Variants in BLNK observed in about 807,000 individuals in gnomAD.
BLNK encodes the protein B cell linker, also known as B-cell linker protein.
BLNK carries 29 observed loss-of-function variants against 73.5 expected under a neutral mutation model. The observed-to-expected ratio is 0.39, with a 90% CI of 0.29 to 0.54. The LOEUF (loss-of-function observed/expected upper bound fraction) is 0.54, where lower values mean the gene tolerates loss of function less well. Ranked by LOEUF, BLNK falls within the 20% of genes least tolerant of loss-of-function variation. The pLI is 0.61. For missense variants in BLNK, 460 were observed against 562.8 expected, an observed-to-expected ratio of 0.82 and a Z score of 1.85; for synonymous variants, 176 against 200.8, an observed-to-expected ratio of 0.88 and a Z score of 1.04.
chr10:96,258,656 AGAGCT>A (rs1247903564), intron 1 of BLNK, among the ~76,000 whole-genome samples: 5 of 152,156 alleles, frequency 3.3e-5, no homozygotes, highest in Non-Finnish European at 7.3e-5. Flanking sequence ...GCCATAGTTC[AGAGCT>A]GTGATTATAG....
intron 5 of BLNK, among the ~76,000 whole-genome samples, chr10:96,225,733 C>T (rs1161111168): frequency 6.6e-6 from 1 of 151,724 alleles, no homozygotes; most frequent in Non-Finnish European, 1.5e-5. Context: ...ACCTCCGCCT[C>T]CCGGGTTCAA....
At chr10:96,258,456 C>T (rs1253041450) in intron 1 of BLNK, among the ~76,000 whole-genome samples, 1 of 152,194 alleles carries the variant, frequency 6.6e-6, no homozygotes, top group East Asian at 1.9e-4. Context: ...CTGGGTCAAC[C>T]TCCTCTTATG....
rs34920263 is a variant in BLNK at position 96,191,235 on chromosome 10, CTT to C, written c.*736_*737del. Among the ~76,000 whole-genome samples the C allele has an allele frequency of 5.6e-3, 726 of 130,248 alleles. 3 individuals carry two copies. The highest frequency in any genetic ancestry group is 0.019 in the African/African-American group (664 of 34,408). 85.4% of individuals were successfully genotyped at this position (130,248 alleles called of 152,430 possible). A position where few individuals can be genotyped will look rare whatever the true frequency, so the allele number is the denominator to read the frequency against. On this transcript the variant is annotated 3_prime_UTR_variant, in exon 17 of 17. Coordinates refer to ENST00000224337, the MANE Select transcript of BLNK (RefSeq NM_013314.4). ...GTGGAACTGTGAGTCCATTAAACCT[CTT>C]TTTTTTTTTTTTTTTTTATGTAAAT...
intron 16 of BLNK, among the ~76,000 whole-genome samples, chr10:96,193,148 T>A (rs2083370746): frequency 6.6e-6 from 1 of 152,230 alleles, no homozygotes; most frequent in African/African-American, 2.4e-5. Flanking sequence ...GACAGGGACT[T>A]TCAAATACCT....
intron 1 of BLNK, among the ~76,000 whole-genome samples, chr10:96,253,812 G>A (rs927188465): frequency 1.3e-5 from 2 of 151,716 alleles, no homozygotes; most frequent in Non-Finnish European, 2.9e-5. Context: ...TCAGGAGATC[G>A]AGACCATCTT....
At position 96,189,256 on chromosome 10, in the gene BLNK, T is replaced by G; in HGVS notation, c.*2717A>C. On this transcript the variant is annotated 3_prime_UTR_variant, in exon 17 of 17. Transcript: ENST00000224337. ...CCTGGACAACATTTATTAAACACAG[T>G]AGGGAAAGTTCTCACTCTGCATTAT... 2.5e-6 allele frequency: 1 copy of G among 401,302 alleles called. No individual in the cohort carries two copies. Among genetic ancestry groups the G allele is most frequent in the South Asian group, 2.2e-5 (1 of 46,128 alleles). 24.9% of individuals were successfully genotyped at this position (401,302 alleles called of 1,614,324 possible).
chr10:96,211,195 C>G (rs749308944), intron 8 of BLNK, among the ~76,000 whole-genome samples: 4 of 152,168 alleles, frequency 2.6e-5, no homozygotes, highest in Non-Finnish European at 5.9e-5. Flanking sequence ...AGGGCATACT[C>G]TGTAAGTACA....
intron 3 of BLNK, chr10:96,238,933 C>A (rs1842791398): frequency 2.5e-6 from 1 of 392,158 alleles, no homozygotes; most frequent in East Asian, 3.6e-5. Context: ...ACATTCAGAT[C>A]CCCTGGAGAT....
intron 6 of BLNK, among the ~76,000 whole-genome samples, chr10:96,217,129 G>A (rs2084086503): frequency 6.6e-6 from 1 of 152,070 alleles, no homozygotes; most frequent in Admixed American, 6.6e-5. Context: ...TTTTCCTGTG[G>A]TATAGTATGT....
intron 11 of BLNK, among the ~76,000 whole-genome samples, chr10:96,206,687 T>G (rs1020978049): frequency 6.6e-6 from 1 of 152,238 alleles, no homozygotes; most frequent in Non-Finnish European, 1.5e-5. Flanking sequence ...TTTCATTACT[T>G]TAAGTAAGCT....
Position 96,189,224 on chromosome 10 carries a change from A to G in BLNK, c.*2749T>C. ...GCATTTTGGACAACACATTCTTGGC[A>G]ATGGAACCTGGACAACATTTATTAA... On this transcript the variant is annotated 3_prime_UTR_variant, in exon 17 of 17. Coordinates refer to ENST00000224337, the MANE Select transcript of BLNK (RefSeq NM_013314.4). 2.7e-6 allele frequency: 1 copy of G among 369,320 alleles called. No homozygotes were observed. 22.9% of individuals were successfully genotyped at this position (369,320 alleles called of 1,614,324 possible).
intron 1 of BLNK, among the ~76,000 whole-genome samples, chr10:96,270,544 A>G (rs149072630): frequency 0.029 from 4,345 of 152,012 alleles, 198 homozygotes; most frequent in African/African-American, 0.09. Flanking sequence ...GCAAACCACC[A>G]TGGGATGTGT....
At chr10:96,194,953 T>C (rs2083426757) in intron 16 of BLNK, among the ~76,000 whole-genome samples, 1 of 151,380 alleles carries the variant, frequency 6.6e-6, no homozygotes, top group Non-Finnish European at 1.5e-5. Flanking sequence ...GTATTTTTAG[T>C]AGAGACGGGG....
In BLNK at chr10:96,204,054, T is replaced by C. The variant is rs987715589; in HGVS notation, c.934+3A>G. 1 of 1,613,170 alleles carries C rather than the reference T, an allele frequency of 6.2e-7. No homozygotes were observed. The highest frequency in any genetic ancestry group is 8.5e-7 in the Non-Finnish European group (1 of 1,179,110). On this transcript the variant is annotated splice_donor_region_variant and intron_variant, in intron 13 of 16. Transcript: ENST00000224337. ...ATACACTACATGGCTTCGTTGTACT[T>C]ACTTGGCAGAGGTATGGGTTTTTGG...
At chr10:96,260,408 T>C (rs1843702489) in intron 1 of BLNK, among the ~76,000 whole-genome samples, 1 of 152,240 alleles carries the variant, frequency 6.6e-6, no homozygotes, top group African/African-American at 2.4e-5. Context: ...CCAATAGGTT[T>C]GTAAAACCAA....
In BLNK at chr10:96,204,526, TCTTA is replaced by T. The variant is rs1564816872; in HGVS notation, c.902+2_902+5del. 1 of 1,613,812 alleles carries T rather than the reference TCTTA, an allele frequency of 6.2e-7. No individual in the cohort carries two copies. The highest frequency in any genetic ancestry group is 8.5e-7 in the Non-Finnish European group (1 of 1,179,688). ...GAAACTGATCTTTAAAGGAAAGGAT[TCTTA>T]CTTCTGGGCAGGAGGAAACACTGGT... On this transcript the variant is annotated splice_donor_variant and splice_donor_5th_base_variant and intron_variant, in intron 12 of 16. Transcript: ENST00000224337. LOFTEE classifies it high-confidence loss of function.
At chr10:96,216,413 G>T in intron 7 of BLNK, 1 of 558,190 alleles carries the variant, frequency 1.8e-6, no homozygotes, top group Non-Finnish European at 3.2e-6. Context: ...TTCATAATGT[G>T]AGATGGGAAG....
chr10:96,215,497 C>T (rs782249904), intron 7 of BLNK, 108 bp from the exon 8 acceptor site: 2 of 1,049,484 alleles, frequency 1.9e-6, no homozygotes, highest in African/African-American at 1.6e-5. Flanking sequence ...GATGACCAGA[C>T]CAGAGAATTT....
intron 1 of BLNK, among the ~76,000 whole-genome samples, chr10:96,270,761 G>T (rs1237045580): frequency 2.0e-5 from 3 of 152,134 alleles, no homozygotes; most frequent in Admixed American, 6.5e-5. Flanking sequence ...CTTTTCCATA[G>T]CTCCTTGACT....
Sources: gnomAD v4.1 joint callset for allele counts (sites outside exome capture counted in the v4.1 genomes callset) on GRCh38, gnomAD v4.1.1 for gene constraint, MANE v1.5 for transcripts, NCBI Gene and HGNC (gene_info 2026-07-23, HGNC 2026-07-21) for gene names.